CPXM2: variants seen among roughly 807,000 people sequenced by gnomAD.
The protein encoded by CPXM2 is carboxypeptidase X, M14 family member 2.
Under a neutral mutation model 86.1 loss-of-function variants are expected in CPXM2, and 66 were observed. The observed-to-expected ratio is 0.77, with a 90% CI of 0.63 to 0.94. The LOEUF is 0.94. Ranked by LOEUF, CPXM2 falls within the 40% of genes least tolerant of loss-of-function variation. The pLI is 0.00. For synonymous variants in CPXM2, 388 were observed against 400.2 expected, an observed-to-expected ratio of 0.97 and a Z score of 0.36; for missense variants, 948 against 1,026.3, an observed-to-expected ratio of 0.92 and a Z score of 1.04.
chr10:123,896,351 GGA>G (rs1264919683), upstream of CPXM2, among the ~76,000 whole-genome samples: 1 of 152,140 alleles, frequency 6.6e-6, no homozygotes, highest in South Asian at 2.1e-4. Flanking sequence ...GGATGCACAG[GGA>G]GAGAGATACT....
intron 3 of CPXM2, among the ~76,000 whole-genome samples, chr10:123,850,923 G>T (rs1473814477): frequency 6.6e-6 from 1 of 152,138 alleles, no homozygotes; most frequent in Non-Finnish European, 1.5e-5. Flanking sequence ...CTATTATACT[G>T]CCAAACAGGT....
At chr10:123,847,304 C>G (rs1329347908) in intron 3 of CPXM2, among the ~76,000 whole-genome samples, 2 of 152,174 alleles carry the variant, frequency 1.3e-5, no homozygotes, top group African/African-American at 4.8e-5. Flanking sequence ...GTGGGTGGAT[C>G]ACTTGAAGTC....
At chr10:123,808,615 C>T (rs1451299847) in intron 4 of CPXM2, among the ~76,000 whole-genome samples, 2 of 152,058 alleles carry the variant, frequency 1.3e-5, no homozygotes, top group East Asian at 3.9e-4. Flanking sequence ...ACACATGAAT[C>T]CCCTCAAAAG....
intron 3 of CPXM2, among the ~76,000 whole-genome samples, chr10:123,849,185 T>C (rs1263483519): frequency 1.3e-5 from 2 of 152,236 alleles, no homozygotes; most frequent in African/African-American, 2.4e-5. Context: ...TGATCGGTTT[T>C]GTGTTTTTTG....
intron 13 of CPXM2, chr10:123,752,081 A>T (rs1458281218): frequency 1.0e-6 from 1 of 984,966 alleles, no homozygotes; most frequent in Non-Finnish European, 1.2e-6. Context: ...AGGCTCTTTT[A>T]GAATTGTCAT....
At chr10:123,839,730 C>CGT (rs1848347349) in intron 4 of CPXM2, among the ~76,000 whole-genome samples, 2 of 152,138 alleles carry the variant, frequency 1.3e-5, no homozygotes, top group Non-Finnish European at 2.9e-5. Context: ...GTTTTCTGGA[C>CGT]ATACTGAGAT....
At position 123,929,612 on chromosome 10, in the gene CPXM2, C is replaced by T. The variant is rs376958989; in HGVS notation, n.174+9865G>A. Among the ~76,000 whole-genome samples, 19 of 152,278 alleles carry T rather than the reference C, an allele frequency of 1.2e-4. 1 individual carries two copies. The South Asian group carries it at 3.9e-3, about 32-fold the overall frequency. On this transcript the variant is annotated intron_variant and non_coding_transcript_variant, in intron 2 of 19. Coordinates refer to the CPXM2 transcript ENST00000368854. ...TCCCAGTGTAGAGTGGGTGCTCTGG[C>T]CAGAGTCCTCATTTCTGCTTCTCCC...
rs1848505887 is a variant in CPXM2, at chr10:123,846,852, G to A, written c.514-4364C>T. Among the ~76,000 whole-genome samples, 6 of 152,140 alleles carry A rather than the reference G, an allele frequency of 3.9e-5. 1 individual carries two copies. The South Asian group carries it at 1.2e-3, about 32-fold the overall frequency. On this transcript the variant is annotated intron_variant, in intron 3 of 13. Coordinates refer to ENST00000241305, the MANE Select transcript of CPXM2 (RefSeq NM_198148.3). ...GAACAGATGTGGCTGCATAAAAAAT[G>A]ATATTGAAGGTTTTTTTTGTTTGTT...
intron 4 of CPXM2, among the ~76,000 whole-genome samples, chr10:123,805,742 T>C (rs1036684367): frequency 1.3e-5 from 2 of 151,332 alleles, no homozygotes; most frequent in African/African-American, 4.8e-5. Flanking sequence ...AATATTAAGA[T>C]TGGAAAAAAA....
At chr10:123,918,242 G>A (rs979253921) in intron 2 of CPXM2, among the ~76,000 whole-genome samples, 1 of 152,086 alleles carries the variant, frequency 6.6e-6, no homozygotes, top group Non-Finnish European at 1.5e-5. Flanking sequence ...ACCTAAAATC[G>A]AATAGGGAGA....
chr10:123,825,850 T>C (rs1323360514), intron 4 of CPXM2, among the ~76,000 whole-genome samples: 1 of 152,182 alleles, frequency 6.6e-6, no homozygotes, highest in Non-Finnish European at 1.5e-5. Flanking sequence ...TTACTTTCAG[T>C]GCACAAATTT....
chr10:123,925,903 G>T (rs1011774205), intron 2 of CPXM2, among the ~76,000 whole-genome samples: 8 of 152,216 alleles, frequency 5.3e-5, no homozygotes, highest in African/African-American at 1.9e-4. Flanking sequence ...TCAAAAATTA[G>T]GGTCCAAGAT....
chr10:123,768,457 C>T (rs1004306318), intron 9 of CPXM2, 69 bp downstream of exon 9: 2 of 1,269,184 alleles, frequency 1.6e-6, no homozygotes, highest in African/African-American at 1.5e-5. Context: ...AGCCCTAGGG[C>T]CAGACATACT....
chr10:123,821,125 G>T (rs981845599), intron 4 of CPXM2, among the ~76,000 whole-genome samples: 1 of 152,116 alleles, frequency 6.6e-6, no homozygotes, highest in Non-Finnish European at 1.5e-5. Flanking sequence ...ACAAAACAAT[G>T]GTTCCCTAAT....
chr10:123,768,544 G>A lies in CPXM2; in HGVS notation c.1281C>T (p.Tyr427=), dbSNP rs771729647. 9.3e-6 allele frequency: 15 copies of A among 1,613,586 alleles called. No homozygotes were observed. Among genetic ancestry groups the A allele is most frequent in the South Asian group, 2.2e-5 (2 of 90,996 alleles). Residue 427 remains tyrosine (Y), a synonymous_variant, in exon 9 of 14, where the codon TAC becomes TAT. Coordinates refer to ENST00000241305, the MANE Select transcript of CPXM2 (RefSeq NM_198148.3). ...CCATTACCCCTTCGTAGGCCTTCTC[G>A]TAGCCATCGGGGTTGAGGGAGGGGA... ...HVLPSLNPDG[Y]EKAYEGGSEL... is the part of the protein sequence containing the mutation.
chr10:123,835,324 G>A (rs1848256292), intron 4 of CPXM2, among the ~76,000 whole-genome samples: 1 of 152,056 alleles, frequency 6.6e-6, no homozygotes, highest in South Asian at 2.1e-4. Flanking sequence ...CTCTAAAATT[G>A]TTTCCATTTC....
At chr10:123,760,374 A>T (rs1846304898) in intron 11 of CPXM2, among the ~76,000 whole-genome samples, 1 of 151,630 alleles carries the variant, frequency 6.6e-6, no homozygotes, top group East Asian at 1.9e-4. Context: ...AGAGATTTGC[A>T]TTTTTTTTTA....
At chr10:123,863,119 A>G (rs562089797) in intron 2 of CPXM2, among the ~76,000 whole-genome samples, 1 of 152,204 alleles carries the variant, frequency 6.6e-6, no homozygotes, top group Non-Finnish European at 1.5e-5. Context: ...ATATAAGCAG[A>G]AAAAAAACCT....
intron 2 of CPXM2, among the ~76,000 whole-genome samples, chr10:123,915,556 AAAAAAT>A (rs1564821673): frequency 6.6e-6 from 1 of 151,766 alleles, no homozygotes; most frequent in East Asian, 1.9e-4. Context: ...AGATTGTCAA[AAAAAAT>A]AAAAATAAAA....
Sources: gnomAD v4.1 joint callset for allele counts (sites outside exome capture counted in the v4.1 genomes callset) on GRCh38, gnomAD v4.1.1 for gene constraint, MANE v1.5 for transcripts, NCBI Gene and HGNC (gene_info 2026-07-23, HGNC 2026-07-21) for gene names.